AGRN: variants seen among roughly 807,000 people sequenced by gnomAD.
The protein encoded by AGRN is agrin.
A neutral mutation model predicts 211.0 loss-of-function variants in AGRN; 106 were observed. The ratio of observed to expected loss-of-function variants is 0.50; its 90% CI spans 0.43 to 0.59. AGRN has a LOEUF of 0.59. Among genes scored for constraint, AGRN ranks in the 20% least tolerant of loss-of-function variants. The pLI, the probability that AGRN is intolerant of heterozygous loss-of-function variation, is 0.00. For missense variants in AGRN, 3,040 were observed against 2,982.6 expected (o/e 1.02, Z -0.45); for synonymous variants, 1,525 against 1,332.5 (o/e 1.14, Z -3.15).
In AGRN at chr1:1,048,871, T is replaced by C; in HGVS notation, c.4110T>C (p.Leu1370=). 3 of 1,536,998 alleles carry C rather than the reference T, an allele frequency of 2.0e-6. No homozygotes were observed. The highest frequency in any genetic ancestry group is 2.6e-6 in the Non-Finnish European group (3 of 1,141,980). The change falls in exon 24 of 36, where the codon CTT becomes CTC. Residue 1370 remains leucine, a synonymous_variant. Transcript: ENST00000379370. This position sits in a 1 kb window ranked among gnomAD's most constrained non-coding sequence, Gnocchi z 5.9. ...CCTCCCGGTCGCCCTTTGCAGTGCT[T>C]GGCGCCCCTGTGCCGGCCTTCGAGG... ...GRGGAVCEKV[L]GAPVPAFEGR... is the part of the protein sequence containing the mutation.
rs144620006 is a variant in AGRN, at chr1:1,049,289, C to T, written c.4352C>T (p.Pro1451Leu). The change falls in exon 25 of 36, where the codon CCG becomes CTG. Residue 1451 changes from proline (P) to leucine (L), a missense_variant. By Grantham distance (98) the Pro-to-Leu change is moderately conservative (BLOSUM62 -3). Around this residue, in one of 3 missense-constraint regions of AGRN, gnomAD observed 1,537 missense variants for 1,505.0 expected, o/e 1.02. Coordinates refer to ENST00000379370, the MANE Select transcript of AGRN (RefSeq NM_198576.4). The stretch of plus-strand genomic sequence containing the variant: ...CTGACCAGTGCCGTGCCGGTAGAGC[C>T]GGGCCAGTGGCACCGCCTGGAGCTG... ...AVLTSAVPVEPGQWHRLELSR... is the reference protein window; with the variant it reads ...AVLTSAVPVELGQWHRLELSR... The T allele has an allele frequency of 4.4e-3, 7,035 of 1,596,360 alleles. 35 individuals are homozygous for T. Among genetic ancestry groups the T allele is most frequent in the Non-Finnish European group, 5.3e-3 (6,187 of 1,178,452 alleles).
At position 1,046,186 on chromosome 1, in the gene AGRN, C is replaced by T. The variant is rs1230559646; in HGVS notation, c.2832C>T (p.Tyr944=). The stretch of plus-strand genomic sequence containing the variant: ...TCTGTGGGTCAGATGGAGTCACATA[C>T]GGCAACGAGTGTCAGCTGAAGACCA... ...TKVCGSDGVT[Y]GNECQLKTIA... is the part of the protein sequence containing the mutation. Residue 944 remains tyrosine, a synonymous_variant, in exon 17 of 36, where the codon TAC becomes TAT. Transcript: ENST00000379370. The T allele has an allele frequency of 6.2e-6, 10 of 1,613,722 alleles. No homozygotes were observed. The African/African-American group carries it at 8.0e-5, about 13-fold the overall frequency.
rs1461446376 is a variant in AGRN, at chr1:1,045,853, TGG to T, written c.2659_2660del (p.Gly887ProfsTer5). ...GGGCAGTGTCCAGACGGCCGTGCCC[TGG>T]GCCCCGCGGGCTGTGAAGCTGGTGA... On this transcript the variant is annotated frameshift_variant, in exon 15 of 36. Coordinates refer to ENST00000379370, the MANE Select transcript of AGRN (RefSeq NM_198576.4). LOFTEE classifies it high-confidence loss of function. 1 of 1,611,194 alleles carries T rather than the reference TGG, an allele frequency of 6.2e-7. No individual in the cohort carries two copies. Among genetic ancestry groups the T allele is most frequent in the Non-Finnish European group, 8.5e-7 (1 of 1,179,820 alleles).
intron 1 of AGRN, among the ~76,000 whole-genome samples, chr1:1,020,855 G>GT (rs1553170897): frequency 6.6e-6 from 1 of 150,702 alleles, no homozygotes; most frequent in Non-Finnish European, 1.5e-5. Context: ...TGCGGGGGGG[G>GT]GGCGTGCAGG....
Position 1,042,137 on chromosome 1 carries a change from C to A in AGRN, c.1359C>A (p.Ile453=). 6.3e-7 allele frequency: 1 copy of A among 1,599,326 alleles called. No individual in the cohort carries two copies. The highest frequency in any genetic ancestry group is 8.5e-7 in the Non-Finnish European group (1 of 1,177,722). Residue 453 remains isoleucine (I), a synonymous_variant, in exon 7 of 36, where the codon ATC becomes ATA. Transcript: ENST00000379370. The part of the protein sequence containing the change: ...QQAECRQQRA[I]PSKHQGPCDQ... ...CTGAGTGCCGGCAGCAGCGTGCCAT[C>A]CCCAGCAAGCACCAGGGCCCGTGTG...
chr1:1,045,690 G>C, intron 14 of AGRN, 43 bp from the exon 15 acceptor site: 2 of 1,612,958 alleles, frequency 1.2e-6, no homozygotes, highest in East Asian at 2.2e-5. Context: ...GGGGAAGCCC[G>C]TCCAGGTGCG....
rs949228294 is a variant in AGRN at position 1,028,332 on chromosome 1, C to G, written c.463+5870C>G. 9.7e-5 allele frequency among the ~76,000 whole-genome samples: 14 copies of G among 144,506 alleles called. 1 individual carries two copies. The highest frequency in any genetic ancestry group is 2.4e-4 in the South Asian group (1 of 4,246). The allele number at this position is 144,506 out of a possible 152,430, so 94.8% of individuals were successfully genotyped here. On this transcript the variant is annotated intron_variant, in intron 2 of 35. Transcript: ENST00000379370. ...CCCGTGGGGAAACGCCCCCCCCCCCCCCCCGCCCTGCACCTGGCTGGCGGC... is the reference window on the plus strand; with the variant it reads ...CCCGTGGGGAAACGCCCCCCCCCCCGCCCCGCCCTGCACCTGGCTGGCGGC...
rs774023993 is a variant in AGRN at position 1,048,099 on chromosome 1, C to T, written c.3839C>T (p.Pro1280Leu). 44 of 1,571,152 alleles carry T rather than the reference C, an allele frequency of 2.8e-5. No homozygotes were observed. The Middle Eastern group carries it at 5.0e-4, about 18-fold the overall frequency. Reference sequence around the variant, plus strand: ...AGAGCCACCACTGCATCGCGCCTGCCGTCCTCTGCTGTGACCCCTCGGGCC... The same window carrying T: ...AGAGCCACCACTGCATCGCGCCTGCTGTCCTCTGCTGTGACCCCTCGGGCC... ...TARATTASRL[P>L]SSAVTPRAPH... Residue 1280 changes from proline to leucine, a missense_variant, in exon 23 of 36, where the codon CCG becomes CTG. Physicochemically the swap from Pro to Leu is moderately conservative, Grantham distance 98 (BLOSUM62 -3). This residue lies in a region of AGRN where 1,537 missense variants were observed against 1,505.0 expected (regional missense o/e 1.02). Coordinates refer to ENST00000379370, the MANE Select transcript of AGRN (RefSeq NM_198576.4). This position sits in a 1 kb window ranked among gnomAD's most constrained non-coding sequence, Gnocchi z 5.9.
chr1:1,020,431 C>G, intron 1 of AGRN, 58 bp downstream of exon 1: 1 of 1,453,684 alleles, frequency 6.9e-7, no homozygotes, highest in South Asian at 1.3e-5. Flanking sequence ...GCCGGGACCC[C>G]CGCCCCAGGC....
intron 3 of AGRN, among the ~76,000 whole-genome samples, chr1:1,037,055 G>A (rs2100615445): frequency 6.6e-6 from 1 of 152,302 alleles, no homozygotes; most frequent in Non-Finnish European, 1.5e-5. Context: ...AGGAGGGTAT[G>A]GACTCAGAGA....
chr1:1,041,763 C>T, intron 6 of AGRN, 61 bp downstream of exon 6: 1 of 1,448,842 alleles, frequency 6.9e-7, no homozygotes, highest in South Asian at 1.3e-5. Context: ...GGCGGCTCCC[C>T]CGGGGGAGGG....
chr1:1,033,889 C>T (rs1476928953), intron 2 of AGRN, among the ~76,000 whole-genome samples: 1 of 151,244 alleles, frequency 6.6e-6, no homozygotes, highest in African/African-American at 2.4e-5. Flanking sequence ...CTCTCCCGTC[C>T]GCATCCGCCC....
chr1:1,051,755 T>C lies in AGRN; in HGVS notation c.5591T>C (p.Val1864Ala). ...CTGGTGGAGAAGTCAGCGGGGGACG[T>C]GGATACCTTGGCCTTTGACGGGCGG... Reference protein sequence around the residue: ...KGLVEKSAGDVDTLAFDGRTF... With the variant: ...KGLVEKSAGDADTLAFDGRTF... Residue 1864 changes from valine to alanine, a missense_variant, in exon 33 of 36, where the codon GTG becomes GCG. Val to Ala is a moderately conservative substitution (Grantham distance 64). This residue lies in a region of AGRN where 1,537 missense variants were observed against 1,505.0 expected (regional missense o/e 1.02). Transcript: ENST00000379370. The C allele has an allele frequency of 6.2e-7, 1 of 1,613,868 alleles. No homozygotes were observed. Among genetic ancestry groups the C allele is most frequent in the Non-Finnish European group, 8.5e-7 (1 of 1,179,976 alleles).
At chr1:1,052,411 A>G (rs1181356629) in intron 33 of AGRN, 3 of 305,936 alleles carry the variant, frequency 9.8e-6, no homozygotes, top group Non-Finnish European at 1.9e-5. Flanking sequence ...GTGTGTGTAT[A>G]TGTGGGGGGG....
intron 17 of AGRN, 53 bp downstream of exon 17, chr1:1,046,318 C>T (rs1394607759): frequency 6.2e-7 from 1 of 1,610,710 alleles, no homozygotes; most frequent in African/African-American, 1.3e-5. Flanking sequence ...CTGACGCTGC[C>T]CTAAATCCAG....
rs991497218 is a variant in AGRN, at chr1:1,050,445, G to A, written c.4995G>A (p.Glu1665=). ...ACCCCAGGGAGAAGATGGCGCTGGA[G>A]GTCGTGTTCCTGGCACGAGGCCCCA... ...ARDLGEKMAL[E]VVFLARGPSG... Residue 1665 remains glutamate, a synonymous_variant, in exon 29 of 36, where the codon GAG becomes GAA. Coordinates refer to ENST00000379370, the MANE Select transcript of AGRN (RefSeq NM_198576.4). The A allele has an allele frequency of 3.1e-6, 5 of 1,612,990 alleles. No homozygotes were observed. Among genetic ancestry groups the A allele is most frequent in the East Asian group, 4.5e-5 (2 of 44,890 alleles).
Position 1,045,253 on chromosome 1 carries a change from G to A in AGRN, c.2347G>A (p.Gly783Ser), listed in dbSNP as rs746048527. The A allele has an allele frequency of 3.7e-6, 6 of 1,611,744 alleles. No homozygotes were observed. The South Asian group carries it at 6.6e-5, about 18-fold the overall frequency. Residue 783 changes from glycine (G) to serine (S), a missense_variant, in exon 13 of 36, where the codon GGC becomes AGC. Physicochemically the swap from Gly to Ser is moderately conservative, Grantham distance 56. Coordinates refer to ENST00000379370, the MANE Select transcript of AGRN (RefSeq NM_198576.4). ...CCAGGACAATATCACCGCAGCCCGG[G>A]GCGTGGGCCTGGCTGGCTGCCCCAG... ...CCQDNITAAR[G>S]VGLAGCPSAC...
In AGRN at chr1:1,044,455, G is replaced by C. The variant is rs114389542; in HGVS notation, c.2254+16G>C. The C allele has an allele frequency of 6.3e-7, 1 of 1,597,642 alleles. No homozygotes were observed. Among genetic ancestry groups the C allele is most frequent in the East Asian group, 2.3e-5 (1 of 43,724 alleles). On this transcript the variant is annotated intron_variant, in intron 12 of 35. Coordinates refer to ENST00000379370, the MANE Select transcript of AGRN (RefSeq NM_198576.4). Reference sequence around the variant, plus strand: ...GCCTGCCGAGGTGAGCCGGCTGCACGTGGGGTCTCAGGCACAGGCGGGGCG... The same window carrying C: ...GCCTGCCGAGGTGAGCCGGCTGCACCTGGGGTCTCAGGCACAGGCGGGGCG...
At chr1:1,022,066 T>G (rs1307280586) in intron 1 of AGRN, 135 bp from the exon 2 acceptor site, 1 of 1,140,102 alleles carries the variant, frequency 8.8e-7, no homozygotes, top group East Asian at 2.4e-5. Context: ...CCCAGCGGGC[T>G]GACTCAGAGG....
Sources: allele counts gnomAD v4.1 joint callset (sites outside exome capture counted in the v4.1 genomes callset), GRCh38; gene constraint gnomAD v4.1.1; regional missense constraint gnomAD v4.1.1; non-coding constraint Gnocchi (gnomAD v3.1); transcripts MANE v1.5; gene names NCBI Gene and HGNC (gene_info 2026-07-23, HGNC 2026-07-21).